The following GABBR1 variants were observed in gnomAD, a reference collection of about 807,000 sequenced individuals.
GABBR1 encodes gamma-aminobutyric acid type B receptor subunit 1.
GABBR1 carries 35 observed loss-of-function variants against 117.7 expected under a neutral mutation model. That is an observed-to-expected ratio of 0.30 (90% CI 0.23 to 0.39). GABBR1 has a LOEUF of 0.39. Among genes scored for constraint, GABBR1 ranks in the 10% least tolerant of loss-of-function variants. The pLI is 1.00. For synonymous variants in GABBR1, 442 were observed against 486.6 expected, an observed-to-expected ratio of 0.91 and a Z score of 1.21; for missense variants, 709 against 1,241.8, an observed-to-expected ratio of 0.57 and a Z score of 6.45.
At chr6:29,612,096 G>C (rs554615810) in intron 13 of GABBR1, among the ~76,000 whole-genome samples, 1 of 152,084 alleles carries the variant, frequency 6.6e-6, no homozygotes, top group African/African-American at 2.4e-5. Context: ...CTGCCTCCTG[G>C]GTTCAAGTGA....
Position 29,627,966 on chromosome 6 carries a change from G to A in GABBR1, c.497-320C>T. ...AGGTTGGCTTCCTACGGCCCCCGCG[G>A]CTCTCGCCACCGTCGCCGCCACCGC... On this transcript the variant is annotated intron_variant, in intron 5 of 22. Transcript: ENST00000377034. This position sits in a 1 kb window ranked among gnomAD's most constrained non-coding sequence, Gnocchi z 4.4. The A allele has an allele frequency of 7.5e-7, 1 of 1,341,154 alleles. No homozygotes were observed. Among genetic ancestry groups the A allele is most frequent in the Non-Finnish European group, 9.5e-7 (1 of 1,055,136 alleles). The allele number at this position is 1,341,154 out of a possible 1,614,324, so 83.1% of individuals were successfully genotyped here.
rs1762333959 is a variant in GABBR1 at position 29,609,638 on chromosome 6, C to T, written c.1709-259G>A. Among the ~76,000 whole-genome samples the T allele has an allele frequency of 6.6e-6, 1 of 152,152 alleles. No homozygotes were observed. The highest frequency in any genetic ancestry group is 6.5e-5 in the Admixed American group (1 of 15,280). The stretch of plus-strand genomic sequence containing the variant: ...TGGTCTATCCATAGGTTGGGAAATG[C>T]TGAGGCATGTCCCCAAAGTTGTAGT... On this transcript the variant is annotated intron_variant, in intron 14 of 22. Coordinates refer to ENST00000377034, the MANE Select transcript of GABBR1 (RefSeq NM_001470.4). This position sits in a 1 kb window ranked among gnomAD's most constrained non-coding sequence, Gnocchi z 4.3.
Position 29,608,681 on chromosome 6 carries a change from A to T in GABBR1, c.1912T>A (p.Ser638Thr), listed in dbSNP as rs1230204536. The T allele has an allele frequency of 6.2e-7, 1 of 1,613,090 alleles. No homozygotes were observed. Among genetic ancestry groups the T allele is most frequent in the African/African-American group, 1.3e-5 (1 of 75,054 alleles). ...NLNNLTAVGCSLALAAVFPLG... is the reference protein window; with the variant it reads ...NLNNLTAVGCTLALAAVFPLG... ...GGGAAGACAGCAGCTAAAGCCAGTGAGCAGCCCACAGCAGTCAGGTTGTTC... is the reference window on the plus strand; with the variant it reads ...GGGAAGACAGCAGCTAAAGCCAGTGTGCAGCCCACAGCAGTCAGGTTGTTC... Residue 638 changes from serine (S) to threonine (T), a missense_variant, in exon 16 of 23, where the codon TCA becomes ACA. This residue lies in a region of GABBR1 where 251 missense variants were observed against 445.3 expected (regional missense o/e 0.56). Coordinates refer to ENST00000377034, the MANE Select transcript of GABBR1 (RefSeq NM_001470.4).
Position 29,602,991 on chromosome 6 carries a change from A to G in GABBR1, c.*552T>C. On this transcript the variant is annotated 3_prime_UTR_variant, in exon 23 of 23. Coordinates refer to ENST00000377034, the MANE Select transcript of GABBR1 (RefSeq NM_001470.4). ...AGTGCACAGAGCAGAGGCAAGGAGC[A>G]TGTGAGCCTTGGCGAAAAGAATGAG... is the stretch of plus-strand genomic sequence containing the variant. The G allele has an allele frequency of 2.2e-6, 1 of 456,830 alleles. No homozygotes were observed. The highest frequency in any genetic ancestry group is 4.4e-6 in the Non-Finnish European group (1 of 226,996). The allele number at this position is 456,830 out of a possible 1,614,324, so 28.3% of individuals were successfully genotyped here. A position where few individuals can be genotyped will look rare whatever the true frequency, so the allele number is the denominator to read the frequency against.
Position 29,627,988 on chromosome 6 carries a change from C to A in GABBR1, c.497-342G>T. On this transcript the variant is annotated intron_variant, in intron 5 of 22. Coordinates refer to ENST00000377034, the MANE Select transcript of GABBR1 (RefSeq NM_001470.4). This position sits in a 1 kb window ranked among gnomAD's most constrained non-coding sequence, Gnocchi z 4.4. ...GCGGCTCTCGCCACCGTCGCCGCCA[C>A]CGCGGACTCTCCTCGCGGACTGACT... 7.5e-7 allele frequency: 1 copy of A among 1,341,854 alleles called. No individual in the cohort carries two copies. The highest frequency in any genetic ancestry group is 9.5e-7 in the Non-Finnish European group (1 of 1,055,796). The allele number at this position is 1,341,854 out of a possible 1,614,324, so 83.1% of individuals were successfully genotyped here. A position where few individuals can be genotyped will look rare whatever the true frequency, so the allele number is the denominator to read the frequency against.
chr6:29,613,735 T>G lies in GABBR1; in HGVS notation c.1324-250A>C, dbSNP rs1218186582. Among the ~76,000 whole-genome samples the G allele has an allele frequency of 3.3e-5, 5 of 152,204 alleles. No homozygotes were observed. Among genetic ancestry groups the G allele is most frequent in the African/African-American group, 9.7e-5 (4 of 41,448 alleles). On this transcript the variant is annotated intron_variant, in intron 11 of 22. Coordinates refer to ENST00000377034, the MANE Select transcript of GABBR1 (RefSeq NM_001470.4). The surrounding 1 kb of genome is among the most constrained non-coding windows in gnomAD (Gnocchi z 4.1). Reference sequence around the variant, plus strand: ...GTGTGTACAGTTGCTAGCTCAGAACTGCAAACAGAGAATTTTGACAAACAC... The same window carrying G: ...GTGTGTACAGTTGCTAGCTCAGAACGGCAAACAGAGAATTTTGACAAACAC...
Position 29,622,839 on chromosome 6 carries a change from C to T in GABBR1, c.963+466G>A, listed in dbSNP as rs1763898402. Among the ~76,000 whole-genome samples, 3 of 151,876 alleles carry T rather than the reference C, an allele frequency of 2.0e-5. No individual in the cohort carries two copies. Among genetic ancestry groups the T allele is most frequent in the Non-Finnish European group, 4.4e-5 (3 of 67,974 alleles). On this transcript the variant is annotated intron_variant, in intron 8 of 22. Transcript: ENST00000377034. The surrounding 1 kb of genome is among the most constrained non-coding windows in gnomAD (Gnocchi z 4.6). The stretch of plus-strand genomic sequence containing the variant: ...CAGCTGCCTTTCTGCCCCTCTCTCT[C>T]CTCTCCCTCATTCCTCTCTCTCTCT...
intron 11 of GABBR1, among the ~76,000 whole-genome samples, chr6:29,614,270 C>T (rs1309721568): frequency 6.6e-6 from 1 of 152,212 alleles, no homozygotes; most frequent in East Asian, 1.9e-4. Context: ...CTGCATTCTA[C>T]ATACTGGAGA....
At position 29,621,797 on chromosome 6, in the gene GABBR1, G is replaced by A; in HGVS notation, c.1086C>T (p.Ile362=). Residue 362 remains isoleucine (I), a synonymous_variant, in exon 10 of 23, where the codon ATC becomes ATT. Transcript: ENST00000377034. The surrounding 1 kb of genome is among the most constrained non-coding windows in gnomAD (Gnocchi z 5.0). The part of the protein sequence containing the change: ...KNLKRQDARI[I]VGLFYETEAR... The stretch of plus-strand genomic sequence containing the variant: ...CTTCAGTCTCATAGAAAAGTCCCAC[G>A]ATGATTCGGGCATCCTGGCGCTACA... The A allele has an allele frequency of 1.2e-6, 2 of 1,614,134 alleles. No homozygotes were observed. Among genetic ancestry groups the A allele is most frequent in the Non-Finnish European group, 1.7e-6 (2 of 1,180,028 alleles).
rs1391825381 is a variant in GABBR1, at chr6:29,603,080, T to C, written c.*463A>G. 4.4e-6 allele frequency: 2 copies of C among 457,658 alleles called. No homozygotes were observed. Among genetic ancestry groups the C allele is most frequent in the Admixed American group, 2.3e-5 (1 of 42,588 alleles). 28.3% of individuals were successfully genotyped at this position (457,658 alleles called of 1,614,324 possible). A position where few individuals can be genotyped will look rare whatever the true frequency, so the allele number is the denominator to read the frequency against. Reference sequence around the variant, plus strand: ...AGAAAGTATAGAAGGGCAAGTAAGATGGAAAGAGATTATGACAGTGGAGAA... The same window carrying C: ...AGAAAGTATAGAAGGGCAAGTAAGACGGAAAGAGATTATGACAGTGGAGAA... On this transcript the variant is annotated 3_prime_UTR_variant, in exon 23 of 23. Transcript: ENST00000377034.
Position 29,606,246 on chromosome 6 carries a change from CA to C in GABBR1, c.2311+144del, listed in dbSNP as rs1236169251. The C allele has an allele frequency of 1.5e-6, 1 of 674,876 alleles. No individual in the cohort carries two copies. Among genetic ancestry groups the C allele is most frequent in the African/African-American group, 1.8e-5 (1 of 55,896 alleles). 41.8% of individuals were successfully genotyped at this position (674,876 alleles called of 1,614,324 possible). A position where few individuals can be genotyped will look rare whatever the true frequency, so the allele number is the denominator to read the frequency against. ...CCCCTATTCTCAGAAAAGATTAGTG[CA>C]ATAACAAAGAGTAGGGTGTTCAAAC... On this transcript the variant is annotated intron_variant, in intron 19 of 22. Transcript: ENST00000377034. This position sits in a 1 kb window ranked among gnomAD's most constrained non-coding sequence, Gnocchi z 4.5.
Position 29,608,674 on chromosome 6 carries a change from G to A in GABBR1, c.1919C>T (p.Ala640Val), listed in dbSNP as rs1253172870. 2.5e-6 allele frequency: 4 copies of A among 1,612,974 alleles called. No homozygotes were observed. The highest frequency in any genetic ancestry group is 2.5e-6 in the Non-Finnish European group (3 of 1,180,010). Residue 640 changes from alanine to valine, a missense_variant, in exon 16 of 23, where the codon GCT (alanine) becomes GTT (valine). By Grantham distance (64) the Ala-to-Val change is moderately conservative. Coordinates refer to ENST00000377034, the MANE Select transcript of GABBR1 (RefSeq NM_001470.4). ...CCCCAGGGGGAAGACAGCAGCTAAA[G>A]CCAGTGAGCAGCCCACAGCAGTCAG... ...NNLTAVGCSL[A>V]LAAVFPLGLD...
chr6:29,613,123 G>A lies in GABBR1; in HGVS notation c.1566+120C>T. 9.1e-7 allele frequency: 1 copy of A among 1,102,506 alleles called. No homozygotes were observed. Among genetic ancestry groups the A allele is most frequent in the East Asian group, 2.4e-5 (1 of 42,026 alleles). The allele number at this position is 1,102,506 out of a possible 1,614,324, so 68.3% of individuals were successfully genotyped here. On this transcript the variant is annotated intron_variant, in intron 12 of 22. Coordinates refer to ENST00000377034, the MANE Select transcript of GABBR1 (RefSeq NM_001470.4). The surrounding 1 kb of genome is among the most constrained non-coding windows in gnomAD (Gnocchi z 4.1). ...GAAGGTCCCTACTTCTCTGGTCGGA[G>A]ACTGATTCTGCAAAGAAGTAACTGA...
At position 29,630,379 on chromosome 6, in the gene GABBR1, C is replaced by T; in HGVS notation, c.475+79G>A. 1 of 1,274,766 alleles carries T rather than the reference C, an allele frequency of 7.8e-7. No homozygotes were observed. Among genetic ancestry groups the T allele is most frequent in the South Asian group, 1.3e-5 (1 of 78,834 alleles). The allele number at this position is 1,274,766 out of a possible 1,614,324, so 79.0% of individuals were successfully genotyped here. On this transcript the variant is annotated intron_variant, in intron 4 of 22. Coordinates refer to ENST00000377034, the MANE Select transcript of GABBR1 (RefSeq NM_001470.4). The surrounding 1 kb of genome is among the most constrained non-coding windows in gnomAD (Gnocchi z 4.9). The stretch of plus-strand genomic sequence containing the variant: ...ACATTTTTATAGCTCTCCATTCTTT[C>T]CCATTATCCATTCCCACCCCACTCC...
Position 29,602,908 on chromosome 6 carries a change from A to G in GABBR1, c.*635T>C. 2.3e-6 allele frequency: 1 copy of G among 427,890 alleles called. No individual in the cohort carries two copies. The allele number at this position is 427,890 out of a possible 1,614,324, so 26.5% of individuals were successfully genotyped here. A position where few individuals can be genotyped will look rare whatever the true frequency, so the allele number is the denominator to read the frequency against. ...GCATACGGGAAAAGCGTGTGTACAC[A>G]TGAGCATGTTCAGTGGGCACACGCA... On this transcript the variant is annotated 3_prime_UTR_variant, in exon 23 of 23. Transcript: ENST00000377034.
chr6:29,627,402 T>A lies in GABBR1; in HGVS notation c.657+84A>T. On this transcript the variant is annotated intron_variant, in intron 6 of 22. Transcript: ENST00000377034. The surrounding 1 kb of genome is among the most constrained non-coding windows in gnomAD (Gnocchi z 4.4). Reference sequence around the variant, plus strand: ...TCTGCCTCGCAATCCCAGAGACGACTCAGACAGATGGGGGCGCGTGCAGCT... The same window carrying A: ...TCTGCCTCGCAATCCCAGAGACGACACAGACAGATGGGGGCGCGTGCAGCT... The A allele has an allele frequency of 2.2e-6, 3 of 1,383,348 alleles. No individual in the cohort carries two copies. Among genetic ancestry groups the A allele is most frequent in the Non-Finnish European group, 3.0e-6 (3 of 1,011,472 alleles). 85.7% of individuals were successfully genotyped at this position (1,383,348 alleles called of 1,614,324 possible).
At chr6:29,618,763 G>C (rs1005763822) in intron 11 of GABBR1, among the ~76,000 whole-genome samples, 3 of 152,062 alleles carry the variant, frequency 2.0e-5, no homozygotes, top group Non-Finnish European at 4.4e-5. Flanking sequence ...TCTAAACTAG[G>C]GTTTCTCATT....
chr6:29,622,257 T>C lies in GABBR1; in HGVS notation c.964-52A>G. 9.2e-6 allele frequency: 11 copies of C among 1,193,956 alleles called. No homozygotes were observed. The highest frequency in any genetic ancestry group is 1.4e-5 in the Non-Finnish European group (11 of 801,924). The allele number at this position is 1,193,956 out of a possible 1,614,324, so 74.0% of individuals were successfully genotyped here. ...GAAAAACACGGGGTGCATGAGGGAA[T>C]AAAGACCAGAGAGGTTAACTGGGGA... On this transcript the variant is annotated intron_variant, in intron 8 of 22. Transcript: ENST00000377034. This position sits in a 1 kb window ranked among gnomAD's most constrained non-coding sequence, Gnocchi z 4.6.
Position 29,623,323 on chromosome 6 carries a change from G to A in GABBR1, c.945C>T (p.Thr315=). The change falls in exon 8 of 23, where the codon ACC becomes ACT. Residue 315 remains threonine (T), a synonymous_variant. Coordinates refer to ENST00000377034, the MANE Select transcript of GABBR1 (RefSeq NM_001470.4). This position sits in a 1 kb window ranked among gnomAD's most constrained non-coding sequence, Gnocchi z 6.2. ...TCCTCACCGAAGTGAAGACCTCAGTGGTCTGCTGGATGGTAGCAATCTTCT... is the reference window on the plus strand; with the variant it reads ...TCCTCACCGAAGTGAAGACCTCAGTAGTCTGCTGGATGGTAGCAATCTTCT... ...GWKKIATIQQ[T]TEVFTSTLDD... The A allele has an allele frequency of 6.2e-7, 1 of 1,614,020 alleles. No individual in the cohort carries two copies. Among genetic ancestry groups the A allele is most frequent in the Non-Finnish European group, 8.5e-7 (1 of 1,179,934 alleles).
Sources: gnomAD v4.1 joint callset for allele counts (sites outside exome capture counted in the v4.1 genomes callset) on GRCh38, gnomAD v4.1.1 for gene constraint, gnomAD v4.1.1 regional missense constraint, Gnocchi (gnomAD v3.1) non-coding constraint, MANE v1.5 for transcripts, NCBI Gene and HGNC (gene_info 2026-07-23, HGNC 2026-07-21) for gene names.